PLPP1: variants seen among roughly 807,000 people sequenced by gnomAD.
The protein encoded by PLPP1 is lipid phosphate phosphohydrolase 1a.
Under a neutral mutation model 31.2 loss-of-function variants are expected in PLPP1, and 24 were observed. The observed-to-expected ratio is 0.77, with a 90% CI of 0.56 to 1.08. The LOEUF (loss-of-function observed/expected upper bound fraction) is 1.08. PLPP1 is among the 50% of genes least tolerant of loss of function. PLPP1 has a pLI of 0.00. For synonymous variants in PLPP1, 146 were observed against 126.3 expected (o/e 1.16, Z -1.05); for missense variants, 319 against 342.7 (o/e 0.93, Z 0.55).
intron 3 of PLPP1, among the ~76,000 whole-genome samples, chr5:55,444,754 T>TGTGTGTGTGTGTGTGTGTGA (rs1751715864): frequency 6.6e-6 from 1 of 150,604 alleles, no homozygotes; most frequent in South Asian, 2.1e-4. Flanking sequence ...TGTGTGTGTG[T>TGTGTGTGTGTGTGTGTGTGA]GTGTGTGTGT....
intron 1 of PLPP1, chr5:55,530,365 T>C: frequency 7.5e-7 from 1 of 1,333,914 alleles, no homozygotes. Flanking sequence ...TGATTACTGT[T>C]AGAGTGATCC....
intron 1 of PLPP1, among the ~76,000 whole-genome samples, chr5:55,490,263 G>A (rs1313215916): frequency 2.1e-5 from 3 of 144,896 alleles, no homozygotes; most frequent in Non-Finnish European, 4.5e-5. Context: ...CGATTCTCCT[G>A]CCTCGGCCTC....
At chr5:55,464,111 CAA>C (rs1198893754) in intron 3 of PLPP1, among the ~76,000 whole-genome samples, 2 of 151,678 alleles carry the variant, frequency 1.3e-5, no homozygotes, top group Admixed American at 6.6e-5. Context: ...GCTAAAATAA[CAA>C]AAACTGGCCA....
chr5:55,504,735 A>T (rs1354992201), intron 1 of PLPP1, among the ~76,000 whole-genome samples: 2 of 152,028 alleles, frequency 1.3e-5, no homozygotes, highest in African/African-American at 4.8e-5. Flanking sequence ...ACTGTTCAGC[A>T]GAATATGACT....
intron 1 of PLPP1, among the ~76,000 whole-genome samples, chr5:55,505,538 A>G (rs2111894361): frequency 6.6e-6 from 1 of 152,240 alleles, no homozygotes; most frequent in African/African-American, 2.4e-5. Flanking sequence ...ATTTGCCCAC[A>G]TATTATCTCT....
intron 1 of PLPP1, among the ~76,000 whole-genome samples, chr5:55,496,393 C>T (rs574366885): frequency 3.3e-5 from 5 of 152,248 alleles, no homozygotes; most frequent in East Asian, 1.9e-4. Context: ...AACCGCCGGG[C>T]GTGGTGGCTC....
intron 1 of PLPP1, among the ~76,000 whole-genome samples, chr5:55,485,689 AAT>A (rs1752761565): frequency 6.6e-6 from 1 of 152,164 alleles, no homozygotes; most frequent in Non-Finnish European, 1.5e-5. Context: ...AAAAACAGAA[AAT>A]ATAAGAGACC....
At chr5:55,478,622 G>A (rs1000405332) in intron 1 of PLPP1, among the ~76,000 whole-genome samples, 5 of 152,164 alleles carry the variant, frequency 3.3e-5, no homozygotes, top group Admixed American at 3.3e-4. Flanking sequence ...GGAGGATGAG[G>A]CACAGAGCAA....
At chr5:55,486,684 G>A (rs981141702) in intron 1 of PLPP1, among the ~76,000 whole-genome samples, 5 of 152,088 alleles carry the variant, frequency 3.3e-5, no homozygotes, top group Admixed American at 2.0e-4. Context: ...GGAGGCCGAG[G>A]CGGGCAGATC....
At chr5:55,445,410 T>C (rs989778472) in intron 3 of PLPP1, among the ~76,000 whole-genome samples, 2 of 152,132 alleles carry the variant, frequency 1.3e-5, no homozygotes, top group Non-Finnish European at 2.9e-5. Context: ...CAGCTGATCA[T>C]CTCTGATCTC....
At chr5:55,524,446 A>G (rs1407740659) in intron 1 of PLPP1, among the ~76,000 whole-genome samples, 1 of 152,188 alleles carries the variant, frequency 6.6e-6, no homozygotes, top group African/African-American at 2.4e-5. Context: ...CTGCCTGTTT[A>G]ATCGCCAAGA....
intron 1 of PLPP1, among the ~76,000 whole-genome samples, chr5:55,511,550 T>C (rs1409416139): frequency 6.6e-6 from 1 of 151,236 alleles, no homozygotes; most frequent in Non-Finnish European, 1.5e-5. Context: ...GCAACCAAAA[T>C]GTTAAAAGGG....
At chr5:55,439,354 T>A (rs1751568637) in intron 4 of PLPP1, among the ~76,000 whole-genome samples, 1 of 152,124 alleles carries the variant, frequency 6.6e-6, no homozygotes, top group South Asian at 2.1e-4. Flanking sequence ...CTGTAACCAA[T>A]CCGGCAGTTT....
intron 3 of PLPP1, among the ~76,000 whole-genome samples, chr5:55,444,683 G>C (rs1751710092): frequency 6.6e-6 from 1 of 151,448 alleles, no homozygotes; most frequent in African/African-American, 2.4e-5. Context: ...CAATAAGCCA[G>C]CTTCAATTAT....
At chr5:55,504,214 C>A (rs1409650886) in intron 1 of PLPP1, among the ~76,000 whole-genome samples, 1 of 151,540 alleles carries the variant, frequency 6.6e-6, no homozygotes, top group African/African-American at 2.4e-5. Flanking sequence ...ACTAATAATA[C>A]AAAAATTAGC....
chr5:55,488,638 T>C (rs879244783), intron 1 of PLPP1, among the ~76,000 whole-genome samples: 3 of 151,378 alleles, frequency 2.0e-5, no homozygotes, highest in Admixed American at 2.0e-4. Flanking sequence ...AGAGTGAGAC[T>C]CCATCTCAAA....
chr5:55,515,221 G>A (rs527843298), intron 1 of PLPP1, among the ~76,000 whole-genome samples: 1 of 152,304 alleles, frequency 6.6e-6, no homozygotes, highest in South Asian at 2.1e-4. Context: ...GGTGGTCAAC[G>A]ATTCCTATAC....
At chr5:55,510,013 A>T (rs1579975577) in intron 1 of PLPP1, among the ~76,000 whole-genome samples, 1 of 152,296 alleles carries the variant, frequency 6.6e-6, no homozygotes, top group East Asian at 1.9e-4. Context: ...ACTGGGAGAG[A>T]CAGCTGATTT....
At chr5:55,426,115 T>C in intron 4 of PLPP1, 76 bp from the exon 5 acceptor site, 1 of 1,258,278 alleles carries the variant, frequency 7.9e-7, no homozygotes, top group Non-Finnish European at 1.1e-6. Flanking sequence ...AGGGTTGGCA[T>C]TTGAAATGAT....
Sources: allele counts gnomAD v4.1 joint callset (sites outside exome capture counted in the v4.1 genomes callset), GRCh38; gene constraint gnomAD v4.1.1; transcripts MANE v1.5; gene names NCBI Gene and HGNC (gene_info 2026-07-23, HGNC 2026-07-21).